The following NUMA1 variants were observed in gnomAD, a reference collection of about 807,000 sequenced individuals.
NUMA1 encodes nuclear mitotic apparatus protein 1.
Under a neutral mutation model 237.1 loss-of-function variants are expected in NUMA1, and 62 were observed. The observed-to-expected ratio is 0.26, with a 90% CI of 0.21 to 0.32. The LOEUF (loss-of-function observed/expected upper bound fraction) is 0.32, where lower values mean the gene tolerates loss of function less well. Among genes scored for constraint, NUMA1 ranks in the 10% least tolerant of loss-of-function variants. NUMA1 has a pLI of 1.00. For missense variants in NUMA1, 2,533 were observed against 2,666.5 expected (o/e 0.95, Z 1.10); for synonymous variants, 1,028 against 1,066.1 (o/e 0.96, Z 0.70).
At chr11:72,021,955 AC>A (rs1297584010) in intron 7 of NUMA1, among the ~76,000 whole-genome samples, 1 of 151,978 alleles carries the variant, frequency 6.6e-6, no homozygotes, top group Non-Finnish European at 1.5e-5. Flanking sequence ...CTTCCAGATG[AC>A]CCTACCAGAG....
chr11:72,023,267 C>A, intron 5 of NUMA1, 120 bp from the exon 6 acceptor site: 1 of 718,328 alleles, frequency 1.4e-6, no homozygotes, highest in Non-Finnish European at 2.5e-6. Context: ...AGATGTAGGC[C>A]TCCTTACTCC....
In NUMA1 at chr11:72,004,013, C is replaced by T. The variant is rs886309887; in HGVS notation, c.6210G>A (p.Lys2070=). 6.2e-7 allele frequency: 1 copy of T among 1,613,408 alleles called. No homozygotes were observed. The highest frequency in any genetic ancestry group is 8.5e-7 in the Non-Finnish European group (1 of 1,179,602). The part of the protein sequence containing the change: ...GNSLLRRGAS[K]KALSKASPNT... ...TGGGGGAAGCCTTGGACAGGGCCTT[C>T]TTTGAGGCTCCCCGCCGCAGAAGGC... is the stretch of plus-strand genomic sequence containing the variant. The change falls in exon 26 of 27, where the codon AAG becomes AAA. Residue 2070 remains lysine (K), a synonymous_variant. Coordinates refer to ENST00000393695, the MANE Select transcript of NUMA1 (RefSeq NM_006185.4).
chr11:72,065,215 T>C (rs1943145796), intron 2 of NUMA1: 1 of 152,180 alleles, frequency 6.6e-6, no homozygotes, highest in Non-Finnish European at 1.5e-5. Flanking sequence ...ATAATGTTCA[T>C]ATAAAGATAC....
At chr11:72,057,146 T>G (rs1255447869) in intron 2 of NUMA1, among the ~76,000 whole-genome samples, 2 of 151,732 alleles carry the variant, frequency 1.3e-5, no homozygotes, top group Non-Finnish European at 2.9e-5. Context: ...GGTAGCTCAA[T>G]TGTGGGATAA....
intron 1 of NUMA1, among the ~76,000 whole-genome samples, chr11:72,072,924 C>T (rs1943522575): frequency 6.6e-6 from 1 of 151,838 alleles, no homozygotes; most frequent in Admixed American, 6.6e-5. Context: ...TGCCTGTAGT[C>T]CCAGCTACTC....
chr11:72,004,404 C>A, intron 24 of NUMA1, 63 bp from the exon 25 acceptor site: 1 of 1,458,500 alleles, frequency 6.9e-7, no homozygotes, highest in Non-Finnish European at 9.5e-7. Context: ...AGCCAGGTGT[C>A]TTGTCCTCTC....
Position 72,015,963 on chromosome 11 carries a change from T to G in NUMA1, c.1540A>C (p.Ile514Leu). Residue 514 changes from isoleucine to leucine, a missense_variant, in exon 15 of 27, where the codon ATC becomes CTC. By Grantham distance (5) the Ile-to-Leu change is conservative (BLOSUM62 2). Around this residue, in one of 3 missense-constraint regions of NUMA1, gnomAD observed 1,414 missense variants for 1,508.1 expected, o/e 0.94. Transcript: ENST00000393695. This position sits in a 1 kb window ranked among gnomAD's most constrained non-coding sequence, Gnocchi z 4.0. ...GCCAGTTCTTGATCCTGTTGCTGGA[T>G]GGTGGCATTGAGTGTGGTGAGCTCA... ...TSELTTLNATIQQQDQELAGL... is the reference protein window; with the variant it reads ...TSELTTLNATLQQQDQELAGL... 1.9e-6 allele frequency: 3 copies of G among 1,614,142 alleles called. No homozygotes were observed. Among genetic ancestry groups the G allele is most frequent in the Non-Finnish European group, 2.5e-6 (3 of 1,180,014 alleles).
chr11:72,045,823 T>C (rs1369936242), intron 2 of NUMA1, among the ~76,000 whole-genome samples: 1 of 151,976 alleles, frequency 6.6e-6, no homozygotes, highest in Non-Finnish European at 1.5e-5. Context: ...CTCCAGAAAA[T>C]GTATAAGGTG....
At position 72,007,203 on chromosome 11, in the gene NUMA1, T is replaced by C; in HGVS notation, c.5449A>G (p.Ile1817Val). The change falls in exon 21 of 27, where the codon ATC becomes GTC. Residue 1817 changes from isoleucine (I) to valine (V), a missense_variant. This residue lies in a region of NUMA1 where 795 missense variants were observed against 750.8 expected (regional missense o/e 1.06). Transcript: ENST00000393695. The stretch of plus-strand genomic sequence containing the variant: ...AGCAGCCTGACCTTGGTCATGGTGA[T>C]GTTGATGATCTGCGTGGTGCGCCGA... ...ARRRTTQIIN[I>V]TMTKKLDVEE... The C allele has an allele frequency of 3.1e-6, 5 of 1,609,768 alleles. No individual in the cohort carries two copies. The highest frequency in any genetic ancestry group is 4.2e-6 in the Non-Finnish European group (5 of 1,179,924).
chr11:72,024,646 A>AT, intron 4 of NUMA1: 1 of 440,462 alleles, frequency 2.3e-6, no homozygotes, highest in Non-Finnish European at 4.2e-6. Flanking sequence ...CCGAGAGGAG[A>AT]CGGAGGCAGC....
chr11:72,070,811 T>A (rs1204548629), intron 1 of NUMA1, among the ~76,000 whole-genome samples: 2 of 152,144 alleles, frequency 1.3e-5, no homozygotes, highest in Non-Finnish European at 1.5e-5. Flanking sequence ...ACATGGCAGA[T>A]CTAGGAAACG....
intron 3 of NUMA1, among the ~76,000 whole-genome samples, chr11:72,029,585 T>C (rs553720889): frequency 4.5e-4 from 69 of 152,356 alleles, no homozygotes; most frequent in African/African-American, 1.6e-3. Flanking sequence ...AATAAATTGG[T>C]ACTACCACTG....
In NUMA1 at chr11:72,003,518, A is replaced by C; in HGVS notation, c.*9T>G. The C allele has an allele frequency of 6.2e-7, 1 of 1,614,042 alleles. No individual in the cohort carries two copies. Among genetic ancestry groups the C allele is most frequent in the Non-Finnish European group, 8.5e-7 (1 of 1,179,894 alleles). ...GACACAGGTGGGGCCACTCACTGGT[A>C]CTGGCCCTTTAGTGCTTTGCCTGAA... On this transcript the variant is annotated 3_prime_UTR_variant, in exon 27 of 27. Coordinates refer to ENST00000393695, the MANE Select transcript of NUMA1 (RefSeq NM_006185.4).
At chr11:72,021,380 C>G in intron 7 of NUMA1, 89 bp from the exon 8 acceptor site, 12 of 1,174,604 alleles carry the variant, frequency 1.0e-5, no homozygotes, top group Non-Finnish European at 1.5e-5. Flanking sequence ...AGTGCCAGTC[C>G]CCGGCTCCCT....
At chr11:72,078,714 T>C (rs1243573509) in intron 1 of NUMA1, among the ~76,000 whole-genome samples, 1 of 152,236 alleles carries the variant, frequency 6.6e-6, no homozygotes, top group Non-Finnish European at 1.5e-5. Context: ...AAAGAATACT[T>C]TGGAAGCTTT....
At chr11:72,005,465 A>C in intron 22 of NUMA1, 96 bp from the exon 23 acceptor site, 1 of 1,199,684 alleles carries the variant, frequency 8.3e-7, no homozygotes, top group Non-Finnish European at 1.2e-6. Context: ...CACCTACCCC[A>C]TAAACTTGAA....
chr11:72,028,229 G>T (rs1939825417), intron 4 of NUMA1, among the ~76,000 whole-genome samples: 1 of 152,106 alleles, frequency 6.6e-6, no homozygotes, highest in South Asian at 2.1e-4. Context: ...TAGGTAGGGA[G>T]GACCCCAAGA....
Position 72,008,680 on chromosome 11 carries a change from C to G in NUMA1, c.5216+8G>C, listed in dbSNP as rs904138198. ...AAACAGACATAGGGAGGAAGGCTGCCTCCTGACCTGGTGATACTGAGTGGG... is the reference window on the plus strand; with the variant it reads ...AAACAGACATAGGGAGGAAGGCTGCGTCCTGACCTGGTGATACTGAGTGGG... On this transcript the variant is annotated splice_region_variant and intron_variant, in intron 20 of 26. Transcript: ENST00000393695. 6.2e-7 allele frequency: 1 copy of G among 1,614,122 alleles called. No individual in the cohort carries two copies.
chr11:72,011,250 A>G (rs1430915628), intron 16 of NUMA1, among the ~76,000 whole-genome samples: 3 of 152,180 alleles, frequency 2.0e-5, no homozygotes, highest in African/African-American at 4.8e-5. Flanking sequence ...AGACATACTC[A>G]ATGAATTCCC....
Sources: allele counts gnomAD v4.1 joint callset (sites outside exome capture counted in the v4.1 genomes callset), GRCh38; gene constraint gnomAD v4.1.1; regional missense constraint gnomAD v4.1.1; non-coding constraint Gnocchi (gnomAD v3.1); transcripts MANE v1.5; gene names NCBI Gene and HGNC (gene_info 2026-07-23, HGNC 2026-07-21).